KLHL7: variants seen among roughly 807,000 people sequenced by gnomAD.
KLHL7 encodes the protein kelch like family member 7, also known as kelch-like protein 7.
KLHL7 carries 44 observed loss-of-function variants against 67.4 expected under a neutral mutation model. That is an observed-to-expected ratio of 0.65 (90% CI 0.51 to 0.84). The LOEUF is 0.84. KLHL7 is among the 40% of genes least tolerant of loss of function. KLHL7 has a pLI of 0.00. For synonymous variants in KLHL7, 252 were observed against 243.3 expected, an observed-to-expected ratio of 1.04 and a Z score of -0.33; for missense variants, 362 against 718.1, an observed-to-expected ratio of 0.50 and a Z score of 5.67.
chr7:23,174,939 T>A lies in KLHL7; in HGVS notation c.*641T>A, dbSNP rs1420715217. ...CAATCCACTTAAATATATTCCATCT[T>A]TTTAACATAAAATGTAAAGCTTAGC... is the stretch of plus-strand genomic sequence containing the variant. On this transcript the variant is annotated 3_prime_UTR_variant, in exon 11 of 11. Coordinates refer to ENST00000339077, the MANE Select transcript of KLHL7 (RefSeq NM_001031710.3). 2 of 453,672 alleles carry A rather than the reference T, an allele frequency of 4.4e-6. No homozygotes were observed. Among genetic ancestry groups the A allele is most frequent in the Admixed American group, 4.7e-5 (2 of 42,416 alleles). 28.1% of individuals were successfully genotyped at this position (453,672 alleles called of 1,614,324 possible).
At chr7:23,117,893 CAA>C in intron 1 of KLHL7, 1 of 1,613,976 alleles carries the variant, frequency 6.2e-7, no homozygotes, top group South Asian at 1.1e-5. Flanking sequence ...GATTTATACT[CAA>C]TGCCAATTTG....
intron 1 of KLHL7, among the ~76,000 whole-genome samples, chr7:23,121,568 T>C (rs1224835038): frequency 6.6e-6 from 1 of 151,802 alleles, no homozygotes; most frequent in East Asian, 1.9e-4. Flanking sequence ...CCAAAAATGC[T>C]AGGATTGGAG....
Position 23,176,702 on chromosome 7 carries a change from T to G in KLHL7, c.*2404T>G, listed in dbSNP as rs969324855. 7 of 139,802 alleles carry G rather than the reference T, an allele frequency of 5.0e-5. No individual in the cohort carries two copies. Among genetic ancestry groups the G allele is most frequent in the African/African-American group, 1.6e-4 (6 of 37,154 alleles). 8.7% of individuals were successfully genotyped at this position (139,802 alleles called of 1,614,324 possible). On this transcript the variant is annotated 3_prime_UTR_variant, in exon 11 of 11. Coordinates refer to ENST00000339077, the MANE Select transcript of KLHL7 (RefSeq NM_001031710.3). Reference sequence around the variant, plus strand: ...AAAAAAAAAAAAAAAAGCTGGGCGCTGTGTCTCACGCCCTTAATCCCAGCA... The same window carrying G: ...AAAAAAAAAAAAAAAAGCTGGGCGCGGTGTCTCACGCCCTTAATCCCAGCA...
intron 4 of KLHL7, among the ~76,000 whole-genome samples, chr7:23,128,439 AAAAAAAAAAAAAG>A (rs1783666222): frequency 2.7e-5 from 4 of 146,194 alleles, no homozygotes. Context: ...AAAAAAAAAA[AAAAAAAAAAAAAG>A]AACTTTAACT....
In KLHL7 at chr7:23,126,080, G is replaced by A. The variant is rs888469698; in HGVS notation, c.442+908G>A. On this transcript the variant is annotated intron_variant, in intron 4 of 10. Coordinates refer to ENST00000339077, the MANE Select transcript of KLHL7 (RefSeq NM_001031710.3). Reference sequence around the variant, plus strand: ...AGCATCACTACTCTTATATTTTGGGGCCATTATTAAGTAAAATAAGGGTTA... The same window carrying A: ...AGCATCACTACTCTTATATTTTGGGACCATTATTAAGTAAAATAAGGGTTA... 1.3e-5 allele frequency: 8 copies of A among 598,310 alleles called. No homozygotes were observed. The Admixed American group carries it at 1.4e-4, about 11-fold the overall frequency. The allele number at this position is 598,310 out of a possible 1,614,324, so 37.1% of individuals were successfully genotyped here.
intron 1 of KLHL7, among the ~76,000 whole-genome samples, chr7:23,120,259 C>T (rs1317172387): frequency 1.3e-5 from 2 of 152,180 alleles, no homozygotes; most frequent in African/African-American, 4.8e-5. Flanking sequence ...ATCTGCCCAC[C>T]TCGGCCTTCC....
chr7:23,114,974 A>G (rs1251670927), intron 1 of KLHL7, among the ~76,000 whole-genome samples: 1 of 152,232 alleles, frequency 6.6e-6, no homozygotes, highest in Non-Finnish European at 1.5e-5. Flanking sequence ...CTCTGAATTA[A>G]AATGAAAGGC....
At chr7:23,169,392 A>C (rs1785092145) in intron 9 of KLHL7, among the ~76,000 whole-genome samples, 1 of 152,244 alleles carries the variant, frequency 6.6e-6, no homozygotes, top group African/African-American at 2.4e-5. Flanking sequence ...CAGTGCAAAT[A>C]ATAGAAAAGC....
rs773172958 is a variant in KLHL7 at position 23,165,914 on chromosome 7, T to C, written c.1153T>C (p.Tyr385His). ...TGCATGTGCTGCAGAAGGCAAAATTTATACATCTGGAGGTTCAGAAGTAGG... is the reference window on the plus strand; with the variant it reads ...TGCATGTGCTGCAGAAGGCAAAATTCATACATCTGGAGGTTCAGAAGTAGG... Reference protein sequence around the residue: ...LAACAAEGKIYTSGGSEVGNS... With the variant: ...LAACAAEGKIHTSGGSEVGNS... The change falls in exon 8 of 11, where the codon TAT (tyrosine) becomes CAT (histidine). Residue 385 changes from tyrosine (Y) to histidine (H), a missense_variant. Transcript: ENST00000339077. 1.2e-6 allele frequency: 2 copies of C among 1,614,178 alleles called. No homozygotes were observed. Among genetic ancestry groups the C allele is most frequent in the South Asian group, 2.2e-5 (2 of 91,084 alleles).
At chr7:23,131,771 C>T (rs980612747) in intron 4 of KLHL7, among the ~76,000 whole-genome samples, 5 of 147,838 alleles carry the variant, frequency 3.4e-5, no homozygotes, top group Admixed American at 1.3e-4. Context: ...TTAATCCTCC[C>T]CTCAATCTCC....
At chr7:23,132,836 G>T (rs1783849671) in intron 4 of KLHL7, among the ~76,000 whole-genome samples, 2 of 152,122 alleles carry the variant, frequency 1.3e-5, no homozygotes, top group South Asian at 4.2e-4. Context: ...AGAGATAGGG[G>T]TCTAATTTCA....
chr7:23,105,887 C>T lies in KLHL7; in HGVS notation c.-140C>T. The T allele has an allele frequency of 1.5e-6, 2 of 1,347,824 alleles. No homozygotes were observed. The highest frequency in any genetic ancestry group is 2.5e-5 in the South Asian group (2 of 79,486). The allele number at this position is 1,347,824 out of a possible 1,614,324, so 83.5% of individuals were successfully genotyped here. On this transcript the variant is annotated 5_prime_UTR_variant, in exon 1 of 11. Transcript: ENST00000339077. ...TTCGGCAGTGGCCGAGCCACCGCCGCCTGCCGCGCGTTCCAGAGCTGGGCG... is the reference window on the plus strand; with the variant it reads ...TTCGGCAGTGGCCGAGCCACCGCCGTCTGCCGCGCGTTCCAGAGCTGGGCG...
chr7:23,164,259 A>T (rs1012430793), intron 7 of KLHL7, among the ~76,000 whole-genome samples: 2 of 151,882 alleles, frequency 1.3e-5, no homozygotes, highest in Non-Finnish European at 2.9e-5. Flanking sequence ...CAAATAAATT[A>T]GGGGTAAGAG....
intron 6 of KLHL7, among the ~76,000 whole-genome samples, chr7:23,149,894 A>G (rs1452680284): frequency 6.6e-6 from 1 of 152,242 alleles, no homozygotes; most frequent in African/African-American, 2.4e-5. Flanking sequence ...AAATATTGAT[A>G]AAGATGTTCA....
chr7:23,150,360 G>T (rs542057821), intron 6 of KLHL7, among the ~76,000 whole-genome samples: 15 of 151,978 alleles, frequency 9.9e-5, no homozygotes, highest in African/African-American at 3.6e-4. Context: ...TGTGCATACA[G>T]TCATTTACTT....
intron 7 of KLHL7, among the ~76,000 whole-genome samples, chr7:23,154,634 T>C (rs1318047078): frequency 6.6e-6 from 1 of 152,174 alleles, no homozygotes; most frequent in Non-Finnish European, 1.5e-5. Context: ...GAAGGTGAGA[T>C]GGTCCAGGAT....
intron 6 of KLHL7, among the ~76,000 whole-genome samples, chr7:23,147,336 C>T (rs1228565616): frequency 6.6e-6 from 1 of 152,150 alleles, no homozygotes; most frequent in Admixed American, 6.5e-5. Flanking sequence ...GAGACCCGCC[C>T]ACCTCTGCCT....
intron 8 of KLHL7, among the ~76,000 whole-genome samples, 170 bp downstream of exon 8, chr7:23,166,108 C>A (rs1207722739): frequency 6.6e-6 from 1 of 152,252 alleles, no homozygotes; most frequent in South Asian, 2.1e-4. Context: ...TATGTCGTTG[C>A]TTTACAAACC....
chr7:23,143,369 T>C (rs984017610), intron 5 of KLHL7, among the ~76,000 whole-genome samples: 5 of 152,198 alleles, frequency 3.3e-5, no homozygotes, highest in African/African-American at 9.7e-5. Flanking sequence ...TCTTAAAGTT[T>C]CTAAAAAGCA....
Sources: gnomAD v4.1 joint callset for allele counts (sites outside exome capture counted in the v4.1 genomes callset) on GRCh38, gnomAD v4.1.1 for gene constraint, MANE v1.5 for transcripts, NCBI Gene and HGNC (gene_info 2026-07-23, HGNC 2026-07-21) for gene names.